Variants in PDCD5 observed in about 807,000 individuals in gnomAD.
PDCD5 encodes the protein programmed cell death protein 5.
PDCD5 carries 23 observed loss-of-function variants against 21.9 expected under a neutral mutation model. That is an observed-to-expected ratio of 1.05 (90% CI 0.76 to 1.49). The LOEUF is 1.49. Ranked by LOEUF, PDCD5 falls within the 40% of genes most tolerant of loss-of-function variation. The probability of loss-of-function intolerance (pLI) is 0.00; values close to 1 mark genes in which losing one functional copy is unlikely to be tolerated. For missense variants in PDCD5, 152 were observed against 147.7 expected, an observed-to-expected ratio of 1.03 and a Z score of -0.15; for synonymous variants, 45 against 49.4, an observed-to-expected ratio of 0.91 and a Z score of 0.37.
At chr19:32,583,459 T>C (rs1010920111) in intron 2 of PDCD5, among the ~76,000 whole-genome samples, 5 of 142,896 alleles carry the variant, frequency 3.5e-5, no homozygotes, top group African/African-American at 1.1e-4. Context: ...TTTTTAAACT[T>C]TTTTTTTTTT....
At position 32,587,346 on chromosome 19, in the gene PDCD5, C is replaced by G; in HGVS notation, c.*46C>G. 7.6e-7 allele frequency: 1 copy of G among 1,323,840 alleles called. No individual in the cohort carries two copies. The highest frequency in any genetic ancestry group is 1.1e-6 in the Non-Finnish European group (1 of 926,674). 82.0% of individuals were successfully genotyped at this position (1,323,840 alleles called of 1,614,324 possible). On this transcript the variant is annotated 3_prime_UTR_variant, in exon 6 of 6. Coordinates refer to ENST00000590247, the MANE Select transcript of PDCD5 (RefSeq NM_004708.4). Reference sequence around the variant, plus strand: ...AGAACTTAACGGAACAAGTCTAGGACAGAAGTTAAGATCTGATTATTTACT... The same window carrying G: ...AGAACTTAACGGAACAAGTCTAGGAGAGAAGTTAAGATCTGATTATTTACT...
chr19:32,582,781 T>C lies in PDCD5; in HGVS notation c.104+549T>C, dbSNP rs79467274. On this transcript the variant is annotated intron_variant, in intron 2 of 5. Coordinates refer to ENST00000590247, the MANE Select transcript of PDCD5 (RefSeq NM_004708.4). Reference sequence around the variant, plus strand: ...GTTCACACTCTAGAATGTTTTCATCTTGCAAGACTGAAACCTTTAGCTACT... The same window carrying C: ...GTTCACACTCTAGAATGTTTTCATCCTGCAAGACTGAAACCTTTAGCTACT... Among the ~76,000 whole-genome samples, 431 of 152,342 alleles carry C rather than the reference T, an allele frequency of 2.8e-3. 7 individuals are homozygous for C. In the East Asian group the frequency reaches 0.064, roughly 23 times the overall value.
intron 2 of PDCD5, 44 bp downstream of exon 2, chr19:32,582,276 A>C: frequency 6.5e-7 from 1 of 1,534,272 alleles, no homozygotes; most frequent in East Asian, 2.2e-5. Context: ...GGTTTCACCA[A>C]ATGGATTTCT....
chr19:32,586,535 C>G, intron 4 of PDCD5: 1 of 1,117,108 alleles, frequency 9.0e-7, no homozygotes, highest in Non-Finnish European at 1.1e-6. Flanking sequence ...CTATTCCTGA[C>G]ACCAAACACC....
chr19:32,582,214 A>G lies in PDCD5; in HGVS notation c.86A>G (p.Gln29Arg), dbSNP rs771914398. ...TTCCAGGATCCTGGTGATGCGGCCCAACAGGAAGCAAAGCACAGGTATGGG... is the reference window on the plus strand; with the variant it reads ...TTCCAGGATCCTGGTGATGCGGCCCGACAGGAAGCAAAGCACAGGTATGGG... ...AKHGDPGDAA[Q>R]QEAKHREAEM... The change falls in exon 2 of 6, where the codon CAA (glutamine) becomes CGA (arginine). Residue 29 changes from glutamine to arginine, a missense_variant. Gln to Arg is a conservative substitution (Grantham distance 43, BLOSUM62 1). Transcript: ENST00000590247. 22 of 1,613,248 alleles carry G rather than the reference A, an allele frequency of 1.4e-5. No individual in the cohort carries two copies. The highest frequency in any genetic ancestry group is 1.4e-5 in the Non-Finnish European group (17 of 1,179,496).
At chr19:32,586,159 A>G in intron 4 of PDCD5, 4 of 1,467,740 alleles carry the variant, frequency 2.7e-6, no homozygotes, top group Non-Finnish European at 3.6e-6. Context: ...AGGGTCAGCT[A>G]GCTTCAATTG....
At chr19:32,583,787 G>A (rs1341950238) in intron 2 of PDCD5, among the ~76,000 whole-genome samples, 1 of 152,012 alleles carries the variant, frequency 6.6e-6, no homozygotes, top group East Asian at 1.9e-4. Flanking sequence ...AGTGAGCTGT[G>A]ATTGCACCAC....
intron 3 of PDCD5, among the ~76,000 whole-genome samples, chr19:32,585,478 G>A (rs1971467418): frequency 6.6e-6 from 1 of 152,196 alleles, no homozygotes; most frequent in African/African-American, 2.4e-5. Flanking sequence ...TTTGAGTGTA[G>A]AAAAGGCGGC....
chr19:32,582,397 C>T (rs1971437294), intron 2 of PDCD5, among the ~76,000 whole-genome samples, 165 bp downstream of exon 2: 1 of 152,126 alleles, frequency 6.6e-6, no homozygotes, highest in Admixed American at 6.5e-5. Context: ...TAAATAAACA[C>T]GTGTGCAGCT....
intron 2 of PDCD5, among the ~76,000 whole-genome samples, chr19:32,583,833 C>CT (rs1971452467): frequency 1.3e-5 from 2 of 151,758 alleles, no homozygotes; most frequent in South Asian, 2.1e-4. Context: ...GAGACCCCAT[C>CT]TTTTTTTATT....
intron 4 of PDCD5, 77 bp from the exon 5 acceptor site, chr19:32,586,781 C>T (rs1310719821): frequency 1.4e-5 from 21 of 1,541,006 alleles, no homozygotes; most frequent in Non-Finnish European, 1.8e-5. Flanking sequence ...AAAAAGAGTA[C>T]AAAGTGATTC....
At chr19:32,582,348 AT>A (rs753997683) in intron 2 of PDCD5, 116 bp downstream of exon 2, 36 of 835,948 alleles carry the variant, frequency 4.3e-5, no homozygotes, top group Non-Finnish European at 6.8e-5. Flanking sequence ...TGGAATGGTG[AT>A]TTGGCCAAAA....
At chr19:32,587,122 A>AC in intron 5 of PDCD5, 131 bp from the exon 6 acceptor site, 1 of 816,632 alleles carries the variant, frequency 1.2e-6, no homozygotes, top group Admixed American at 2.4e-5. Context: ...CTCCATTCCC[A>AC]CCCTTTTAGT....
intron 2 of PDCD5, 34 bp from the exon 3 acceptor site, chr19:32,584,915 GT>G (rs1383598956): frequency 1.3e-6 from 2 of 1,564,452 alleles, no homozygotes; most frequent in Admixed American, 3.3e-5. Context: ...CGACAGCTGT[GT>G]TTTAATTGTG....
Position 32,582,552 on chromosome 19 carries a change from GC to G in PDCD5, c.104+321del, listed in dbSNP as rs147213071. The stretch of plus-strand genomic sequence containing the variant: ...GAGTCCGGTGCCTCACTTAGTAAGT[GC>G]TCAATAAGTGTTAACTGGTAAGCTA... On this transcript the variant is annotated intron_variant, in intron 2 of 5. Coordinates refer to ENST00000590247, the MANE Select transcript of PDCD5 (RefSeq NM_004708.4). Among the ~76,000 whole-genome samples, 825 of 152,290 alleles carry G rather than the reference GC, an allele frequency of 5.4e-3. 23 individuals are homozygous for G. In the East Asian group the frequency reaches 0.08, roughly 15 times the overall value.
At chr19:32,585,772 T>C (rs759870171) in intron 3 of PDCD5, 44 bp from the exon 4 acceptor site, 1 of 1,143,200 alleles carries the variant, frequency 8.7e-7, no homozygotes, top group Non-Finnish European at 1.3e-6. Flanking sequence ...CATAAGTGCA[T>C]TTGATTTTAA....
chr19:32,581,999 G>T (rs1317607930), intron 1 of PDCD5, among the ~76,000 whole-genome samples, 196 bp from the exon 2 acceptor site: 1 of 152,134 alleles, frequency 6.6e-6, no homozygotes, highest in African/African-American at 2.4e-5. Context: ...GCCTTCTGAG[G>T]TTGTGGTTTT....
At position 32,581,213 on chromosome 19, in the gene PDCD5, CG is replaced by C. The variant is rs750068484; in HGVS notation, c.-48del. ...GCAGTGGTCAAGGCCGCGCTCGCGC[CG>C]AGGGGCTGCGAGAGTGACCGCGGCT... is the stretch of plus-strand genomic sequence containing the variant. On this transcript the variant is annotated 5_prime_UTR_variant, in exon 1 of 6. Coordinates refer to ENST00000590247, the MANE Select transcript of PDCD5 (RefSeq NM_004708.4). 8.6e-5 allele frequency: 119 copies of C among 1,384,910 alleles called. 1 individual carries two copies. In the African/African-American group the frequency reaches 1.6e-3, roughly 19 times the overall value. The allele number at this position is 1,384,910 out of a possible 1,614,324, so 85.8% of individuals were successfully genotyped here. A position where few individuals can be genotyped will look rare whatever the true frequency, so the allele number is the denominator to read the frequency against.
intron 2 of PDCD5, 199 bp from the exon 3 acceptor site, chr19:32,584,751 T>C: frequency 1.7e-6 from 1 of 594,034 alleles, no homozygotes; most frequent in Admixed American, 2.9e-5. Context: ...ACCTGTGTAA[T>C]ATAAAGCTGG....
Sources: gnomAD v4.1 joint callset for allele counts (sites outside exome capture counted in the v4.1 genomes callset) on GRCh38, gnomAD v4.1.1 for gene constraint, MANE v1.5 for transcripts, NCBI Gene and HGNC (gene_info 2026-07-23, HGNC 2026-07-21) for gene names.